The following CCDC30 variants were observed in gnomAD, a reference collection of about 807,000 sequenced individuals.
The protein encoded by CCDC30 is coiled-coil domain-containing protein 30.
In CCDC30, 70 loss-of-function variants were observed where a neutral mutation model predicts 100.2. The ratio of observed to expected loss-of-function variants is 0.70; its 90% CI spans 0.58 to 0.85. CCDC30 has a LOEUF of 0.85. CCDC30 is among the 40% of genes least tolerant of loss of function. The probability of loss-of-function intolerance (pLI) is 0.00; values close to 1 mark genes in which losing one functional copy is unlikely to be tolerated. For synonymous variants in CCDC30, 233 were observed against 269.5 expected (o/e 0.86, Z 1.33); for missense variants, 652 against 771.2 (o/e 0.85, Z 1.83).
In CCDC30 at chr1:42,589,493, T is replaced by A. The variant is rs1646141820; in HGVS notation, c.1164+10T>A. ...AAGAAAATATGATGAGGTAAGAAAG[T>A]AAATAGACATGCTTCTCAGTTTTCC... On this transcript the variant is annotated intron_variant, in intron 10 of 16. Transcript: ENST00000668663. 1.9e-6 allele frequency: 3 copies of A among 1,606,616 alleles called. No individual in the cohort carries two copies. In the South Asian group the frequency reaches 3.3e-5, roughly 18 times the overall value.
intron 6 of CCDC30, among the ~76,000 whole-genome samples, chr1:42,516,813 A>C (rs1402673602): frequency 6.6e-6 from 1 of 152,196 alleles, no homozygotes; most frequent in Admixed American, 6.5e-5. Flanking sequence ...GCAATACAAA[A>C]TGGACTAAGG....
chr1:42,517,299 T>A (rs1474357489), intron 6 of CCDC30, among the ~76,000 whole-genome samples: 1 of 152,172 alleles, frequency 6.6e-6, no homozygotes. Context: ...CCCAGGCTGG[T>A]CTCAAATTCC....
At chr1:42,636,507 C>T (rs940578794) in intron 11 of CCDC30, among the ~76,000 whole-genome samples, 5 of 152,034 alleles carry the variant, frequency 3.3e-5, no homozygotes, top group Admixed American at 6.6e-5. Context: ...TATCACTGTC[C>T]AAGATACAGC....
intron 12 of CCDC30, among the ~76,000 whole-genome samples, chr1:42,641,582 A>G (rs1424981450): frequency 1.3e-5 from 2 of 151,924 alleles, no homozygotes; most frequent in Non-Finnish European, 2.9e-5. Flanking sequence ...AAACAAAAAA[A>G]ACAGCTGGAC....
intron 6 of CCDC30, among the ~76,000 whole-genome samples, chr1:42,543,069 C>G (rs1645048426): frequency 1.3e-5 from 2 of 151,774 alleles, no homozygotes; most frequent in Non-Finnish European, 2.9e-5. Context: ...ATAATCTGAC[C>G]TCTCCCTTCA....
chr1:42,650,415 G>C (rs1025894239), intron 15 of CCDC30, among the ~76,000 whole-genome samples: 2 of 151,748 alleles, frequency 1.3e-5, no homozygotes, highest in African/African-American at 2.4e-5. Context: ...GAGCCCAGGT[G>C]GTAGAGGTTG....
chr1:42,633,768 A>G (rs759128126), intron 11 of CCDC30, among the ~76,000 whole-genome samples: 3 of 152,166 alleles, frequency 2.0e-5, no homozygotes, highest in Non-Finnish European at 4.4e-5. Flanking sequence ...TTAAAAGTTA[A>G]CTGAGCATAG....
intron 3 of CCDC30, among the ~76,000 whole-genome samples, chr1:42,488,947 T>A (rs1644093612): frequency 6.6e-6 from 1 of 152,186 alleles, no homozygotes; most frequent in Non-Finnish European, 1.5e-5. Context: ...TTCTCTGCAC[T>A]ACAGACCAGG....
At chr1:42,501,459 A>G (rs1644311195) in intron 6 of CCDC30, among the ~76,000 whole-genome samples, 1 of 152,196 alleles carries the variant, frequency 6.6e-6, no homozygotes, top group South Asian at 2.1e-4. Context: ...TCAACTCATC[A>G]AAGTCATTCT....
At chr1:42,478,448 T>G (rs1643907842) in intron 1 of CCDC30, among the ~76,000 whole-genome samples, 1 of 152,190 alleles carries the variant, frequency 6.6e-6, no homozygotes. Flanking sequence ...TTTCCAATAA[T>G]GGCCAGAAAG....
At position 42,637,386 on chromosome 1, in the gene CCDC30, A is replaced by G. The variant is rs780164653; in HGVS notation, c.1419+8A>G. On this transcript the variant is annotated splice_region_variant and intron_variant, in intron 12 of 16. Coordinates refer to ENST00000668663, the Ensembl canonical transcript of CCDC30. ...CAACATAAAATAGAAAAGGTGAGGA[A>G]AAAATAAAAGGTGAAGAGCTCACTG... is the stretch of plus-strand genomic sequence containing the variant. 2 of 1,604,998 alleles carry G rather than the reference A, an allele frequency of 1.2e-6. No homozygotes were observed. Among genetic ancestry groups the G allele is most frequent in the African/African-American group, 1.3e-5 (1 of 74,304 alleles).
At chr1:42,536,431 A>G in intron 6 of CCDC30, 45 bp from the exon 7 acceptor site, 1 of 1,193,648 alleles carries the variant, frequency 8.4e-7, no homozygotes, top group Non-Finnish European at 1.2e-6. Flanking sequence ...TGTAGGAAAC[A>G]CTGCTATTAT....
chr1:42,482,328 G>A (rs955101040), intron 2 of CCDC30, among the ~76,000 whole-genome samples: 8 of 151,940 alleles, frequency 5.3e-5, no homozygotes, highest in Non-Finnish European at 8.8e-5. Flanking sequence ...ACTTGTACAT[G>A]TGTTGGTATT....
intron 11 of CCDC30, among the ~76,000 whole-genome samples, chr1:42,634,783 A>T (rs1015151516): frequency 6.6e-6 from 1 of 152,170 alleles, no homozygotes; most frequent in African/African-American, 2.4e-5. Context: ...TTGTTACCAC[A>T]ATCAACATTA....
In CCDC30 at chr1:42,570,551, C is replaced by T. The variant is rs115908801; in HGVS notation, c.636+4076C>T. On this transcript the variant is annotated intron_variant, in intron 7 of 16. Coordinates refer to ENST00000668663, the Ensembl canonical transcript of CCDC30. ...CCAGCACACTAGTGGCCCCTGCACACCTTGTCCCCATCATAATCCCATCAC... is the reference window on the plus strand; with the variant it reads ...CCAGCACACTAGTGGCCCCTGCACATCTTGTCCCCATCATAATCCCATCAC... Among the ~76,000 whole-genome samples the T allele has an allele frequency of 7.9e-3, 1,204 of 152,172 alleles. 20 individuals are homozygous for T. The highest frequency in any genetic ancestry group is 0.027 in the African/African-American group (1,126 of 41,514).
At chr1:42,626,627 T>C (rs1276794624) in intron 11 of CCDC30, among the ~76,000 whole-genome samples, 1 of 152,184 alleles carries the variant, frequency 6.6e-6, no homozygotes, top group Non-Finnish European at 1.5e-5. Context: ...TCTCCCAGAA[T>C]TCCCACATGT....
chr1:42,568,577 C>T (rs12040258), intron 7 of CCDC30, among the ~76,000 whole-genome samples: 30,443 of 152,010 alleles, frequency 0.2, 3,361 homozygotes, highest in South Asian at 0.42. Context: ...TTACACCCCT[C>T]CTCAATTTGG....
At chr1:42,630,097 C>T (rs1647009471) in intron 11 of CCDC30, among the ~76,000 whole-genome samples, 1 of 151,466 alleles carries the variant, frequency 6.6e-6, no homozygotes. Flanking sequence ...GCCTCAGCCT[C>T]CCAAGTAGCT....
intron 3 of CCDC30, among the ~76,000 whole-genome samples, chr1:42,483,658 G>T (rs369853050): frequency 6.6e-6 from 1 of 152,110 alleles, no homozygotes; most frequent in Non-Finnish European, 1.5e-5. Context: ...TACTCGTTTG[G>T]ATATACAACT....
Sources: gnomAD v4.1 joint callset for allele counts (sites outside exome capture counted in the v4.1 genomes callset) on GRCh38, gnomAD v4.1.1 for gene constraint, MANE v1.5 for transcripts, NCBI Gene and HGNC (gene_info 2026-07-23, HGNC 2026-07-21) for gene names.